ANK3: variants seen among roughly 807,000 people sequenced by gnomAD.
ANK3 encodes ankyrin-3.
ANK3 carries 57 observed loss-of-function variants against 370.9 expected under a neutral mutation model. That is an observed-to-expected ratio of 0.15 (90% confidence interval 0.12 to 0.19). The LOEUF (loss-of-function observed/expected upper bound fraction) is 0.19. Ranked by LOEUF, ANK3 falls within the 10% of genes least tolerant of loss-of-function variation. The pLI, the probability that ANK3 is intolerant of heterozygous loss-of-function variation, is 1.00. For missense variants in ANK3, 4,439 were observed against 5,302.1 expected (o/e 0.84, Z 5.06); for synonymous variants, 1,929 against 1,946.3 (o/e 0.99, Z 0.23).
intron 23 of ANK3, among the ~76,000 whole-genome samples, chr10:60,149,378 C>T (rs2094981304): frequency 6.6e-6 from 1 of 152,146 alleles, no homozygotes; most frequent in African/African-American, 2.4e-5. Flanking sequence ...CAACCTTCCA[C>T]AGGAAGCAGG....
At chr10:60,225,276 G>A (rs2097122966) in intron 8 of ANK3, among the ~76,000 whole-genome samples, 1 of 151,934 alleles carries the variant, frequency 6.6e-6, no homozygotes, top group Non-Finnish European at 1.5e-5. Context: ...TTTTTTTTGT[G>A]TTAGGCAGTT....
intron 1 of ANK3, among the ~76,000 whole-genome samples, chr10:60,703,670 A>T (rs2079574799): frequency 6.6e-6 from 1 of 152,220 alleles, no homozygotes; most frequent in African/African-American, 2.4e-5. Flanking sequence ...AAAAATACCG[A>T]AAAGCATAAT....
intron 1 of ANK3, among the ~76,000 whole-genome samples, chr10:60,641,267 T>C (rs1223075828): frequency 6.7e-6 from 1 of 149,524 alleles, no homozygotes; most frequent in African/African-American, 2.5e-5. Flanking sequence ...CTTCACAGAA[T>C]TGGAAAAAAC....
rs1173912527 is a variant in ANK3 at position 60,072,477 on chromosome 10, T to G, written c.8404A>C (p.Asn2802His). The G allele has an allele frequency of 6.2e-7, 1 of 1,614,078 alleles. No homozygotes were observed. The highest frequency in any genetic ancestry group is 8.5e-7 in the Non-Finnish European group (1 of 1,180,006). ...TTCACATTATCAGAGCCAGAATCAT[T>G]TACAACAATTTCGTTGCTTTGGGCA... ...EHAQSNEIVV[N>H]DSGSDNVKKQ... Residue 2802 changes from asparagine to histidine, a missense_variant, in exon 37 of 44, where the codon AAT (asparagine) becomes CAT (histidine). Asn to His is a moderately conservative substitution (Grantham distance 68, BLOSUM62 1). Transcript: ENST00000280772.
intron 2 of ANK3, among the ~76,000 whole-genome samples, chr10:60,550,345 C>T (rs1345216472): frequency 2.0e-5 from 3 of 151,752 alleles, no homozygotes; most frequent in Non-Finnish European, 4.4e-5. Context: ...GAAGCATTTG[C>T]CATGTGTGAT....
At chr10:60,458,321 G>A (rs1249711563) in intron 2 of ANK3, among the ~76,000 whole-genome samples, 2 of 152,182 alleles carry the variant, frequency 1.3e-5, no homozygotes, top group East Asian at 3.9e-4. Flanking sequence ...TAGCAGCCCA[G>A]GTACTCCATA....
intron 1 of ANK3, among the ~76,000 whole-genome samples, chr10:60,302,894 G>T (rs367870606): frequency 6.6e-6 from 1 of 151,566 alleles, no homozygotes; most frequent in Admixed American, 6.6e-5. Context: ...TAGAAGGCCC[G>T]GAAAAAAATC....
intron 7 of ANK3, among the ~76,000 whole-genome samples, chr10:60,242,529 G>C (rs2097481517): frequency 6.6e-6 from 1 of 152,122 alleles, no homozygotes; most frequent in Admixed American, 6.5e-5. Context: ...TTTCAGTCCT[G>C]TCCTTAGCAT....
At chr10:60,473,100 T>C (rs1210374429) in intron 2 of ANK3, among the ~76,000 whole-genome samples, 1 of 152,118 alleles carries the variant, frequency 6.6e-6, no homozygotes, top group Non-Finnish European at 1.5e-5. Context: ...GTGCACAGAA[T>C]ATCAAATAAA....
At chr10:60,400,009 AGTGTGT>A (rs60224309) in intron 2 of ANK3, among the ~76,000 whole-genome samples, 8,288 of 145,852 alleles carry the variant, frequency 0.057, 257 homozygotes, top group African/African-American at 0.091. Context: ...CCTCCAATAC[AGTGTGT>A]GTGTGTGTGT....
intron 1 of ANK3, among the ~76,000 whole-genome samples, chr10:60,282,611 C>G (rs2098180412): frequency 6.6e-6 from 1 of 152,066 alleles, no homozygotes; most frequent in Non-Finnish European, 1.5e-5. Context: ...TTTAAGAACT[C>G]CTGCTCTACT....
At chr10:60,113,440 G>A (rs895142103) in intron 26 of ANK3, among the ~76,000 whole-genome samples, 4 of 152,274 alleles carry the variant, frequency 2.6e-5, no homozygotes, top group South Asian at 2.1e-4. Context: ...TAGGTGTGGC[G>A]GCTCATGCCT....
At chr10:60,666,864 T>A (rs2079003178) in intron 1 of ANK3, among the ~76,000 whole-genome samples, 2 of 152,260 alleles carry the variant, frequency 1.3e-5, no homozygotes, top group Non-Finnish European at 2.9e-5. Context: ...TTCTCTTAAA[T>A]CTTTTAGTTA....
chr10:60,432,571 T>C (rs926741709), intron 2 of ANK3, among the ~76,000 whole-genome samples: 2 of 152,216 alleles, frequency 1.3e-5, no homozygotes, highest in African/African-American at 4.8e-5. Context: ...CTCTAGGAAT[T>C]GACTATCCAT....
rs535423240 is a variant in ANK3 at position 60,225,820 on chromosome 10, C to T, written c.897+8868G>A. ...TCTTTGTGTTTATTGTCCCTCGTTG[C>T]TTGTCTCCTTTTGTGCTGGAATTAT... is the stretch of plus-strand genomic sequence containing the variant. On this transcript the variant is annotated intron_variant, in intron 8 of 43. Transcript: ENST00000280772. 4.0e-5 allele frequency among the ~76,000 whole-genome samples: 6 copies of T among 151,812 alleles called. No individual in the cohort carries two copies. In the South Asian group the frequency reaches 8.3e-4, roughly 21 times the overall value.
At chr10:60,065,898 G>T (rs1431117323) in intron 38 of ANK3, among the ~76,000 whole-genome samples, 1 of 151,982 alleles carries the variant, frequency 6.6e-6, no homozygotes, top group Non-Finnish European at 1.5e-5. Flanking sequence ...ATTTTTTTAT[G>T]CATTAAAACC....
chr10:60,702,323 C>A (rs2079555827), intron 1 of ANK3, among the ~76,000 whole-genome samples: 1 of 151,652 alleles, frequency 6.6e-6, no homozygotes. Context: ...AGGGACTATG[C>A]CAAATGACCT....
intron 1 of ANK3, among the ~76,000 whole-genome samples, chr10:60,369,614 C>A (rs1373684308): frequency 6.6e-6 from 1 of 152,142 alleles, no homozygotes; most frequent in Non-Finnish European, 1.5e-5. Flanking sequence ...AAAAAGATTT[C>A]TTTACATTGG....
At chr10:60,032,230 C>G (rs1352901095) in intron 43 of ANK3, among the ~76,000 whole-genome samples, 7 of 38,422 alleles carry the variant, frequency 1.8e-4, no homozygotes. Context: ...GAGACGAAGT[C>G]TCACTCTGTC....
Sources: allele counts gnomAD v4.1 joint callset (sites outside exome capture counted in the v4.1 genomes callset), GRCh38; gene constraint gnomAD v4.1.1; transcripts MANE v1.5; gene names NCBI Gene and HGNC (gene_info 2026-07-23, HGNC 2026-07-21).